The following TEX14 variants were observed in gnomAD, a reference collection of about 807,000 sequenced individuals.
TEX14 encodes the protein testis expressed 14, intercellular bridge forming factor, also known as inactive serine/threonine-protein kinase TEX14.
In TEX14, 168 loss-of-function variants were observed where a neutral mutation model predicts 178.6. The ratio of observed to expected loss-of-function variants is 0.94; its 90% CI spans 0.83 to 1.07. TEX14 has a LOEUF of 1.07. Among genes scored for constraint, TEX14 ranks in the 50% least tolerant of loss-of-function variants. The pLI, the probability that TEX14 is intolerant of heterozygous loss-of-function variation, is 0.00. For missense variants in TEX14, 1,730 were observed against 1,753.6 expected (o/e 0.99, Z 0.24); for synonymous variants, 626 against 634.1 (o/e 0.99, Z 0.19).
intron 5 of TEX14, among the ~76,000 whole-genome samples, chr17:58,619,633 C>T (rs1016068467): frequency 1.1e-4 from 17 of 151,872 alleles, no homozygotes; most frequent in Admixed American, 6.6e-4. Context: ...GGTGAAACCC[C>T]ATCTCTACTA....
At position 58,559,572 on chromosome 17, in the gene TEX14, C is replaced by T. The variant is rs370136626; in HGVS notation, c.4158-10G>A. On this transcript the variant is annotated splice_polypyrimidine_tract_variant and intron_variant, in intron 29 of 31. Coordinates refer to ENST00000349033, the MANE Select transcript of TEX14 (RefSeq NM_031272.5). ...TTTGATATTTGTCTCCCTGTAACAA[C>T]AATTATTTGGGGAATCAAAACGTAT... 29 of 1,371,726 alleles carry T rather than the reference C, an allele frequency of 2.1e-5. No homozygotes were observed. The Admixed American group carries it at 3.6e-4, about 17-fold the overall frequency. 85.0% of individuals were successfully genotyped at this position (1,371,726 alleles called of 1,614,324 possible).
At chr17:58,614,373 C>T (rs2045821395) in intron 8 of TEX14, among the ~76,000 whole-genome samples, 1 of 152,170 alleles carries the variant, frequency 6.6e-6, no homozygotes, top group Non-Finnish European at 1.5e-5. Flanking sequence ...GCCAGTAGTC[C>T]CAGCTACTCA....
chr17:58,664,679 T>C (rs1175201174), intron 1 of TEX14, among the ~76,000 whole-genome samples: 1 of 152,162 alleles, frequency 6.6e-6, no homozygotes, highest in Non-Finnish European at 1.5e-5. Flanking sequence ...GGCCCATACT[T>C]TTGCCTTTGT....
chr17:58,606,819 G>A (rs2045618238), intron 10 of TEX14, among the ~76,000 whole-genome samples: 1 of 151,738 alleles, frequency 6.6e-6, no homozygotes, highest in Non-Finnish European at 1.5e-5. Flanking sequence ...CTTGAGGTCA[G>A]GAATTCAAGA....
intron 27 of TEX14, 61 bp downstream of exon 27, chr17:58,565,686 C>T: frequency 1.6e-6 from 2 of 1,257,676 alleles, no homozygotes; most frequent in Non-Finnish European, 2.3e-6. Context: ...ATATGTACCA[C>T]TGTGTTGCCA....
chr17:58,599,060 T>C lies in TEX14; in HGVS notation c.2285A>G (p.Gln762Arg), dbSNP rs777996423. 3.8e-5 allele frequency: 61 copies of C among 1,614,094 alleles called. No homozygotes were observed. The highest frequency in any genetic ancestry group is 8.9e-5 in the East Asian group (4 of 44,894). The change falls in exon 14 of 32, where the codon CAG becomes CGG. Residue 762 changes from glutamine (Q) to arginine (R), a missense_variant. By Grantham distance (43) the Gln-to-Arg change is conservative (BLOSUM62 1). Transcript: ENST00000349033. ...AGACATGCGCTCTTCCTGTTCCTTC[T>C]GTTTCATCTCGACTTCATCTAATAT... Reference protein sequence around the residue: ...EQILDEVEMKQKEQEERMSLW... With the variant: ...EQILDEVEMKRKEQEERMSLW...
chr17:58,587,706 TG>T, intron 16 of TEX14, 40 bp from the exon 17 acceptor site: 1 of 1,442,594 alleles, frequency 6.9e-7, no homozygotes, highest in Non-Finnish European at 9.7e-7. Context: ...GGGAGCGGGG[TG>T]GACACAAACA....
At chr17:58,631,982 A>T (rs906518981) in intron 2 of TEX14, 2 of 152,230 alleles carry the variant, frequency 1.3e-5, no homozygotes, top group African/African-American at 4.8e-5. Flanking sequence ...AGTTCGAAAA[A>T]GCATTTAAAA....
At chr17:58,598,282 C>G (rs1023229993) in intron 14 of TEX14, among the ~76,000 whole-genome samples, 6 of 150,696 alleles carry the variant, frequency 4.0e-5, no homozygotes, top group African/African-American at 1.5e-4. Context: ...CCACTGCACT[C>G]CAGCCTGGGC....
Position 58,559,871 on chromosome 17 carries a change from C to T in TEX14, c.4158-309G>A, listed in dbSNP as rs997691266. 2.0e-5 allele frequency among the ~76,000 whole-genome samples: 3 copies of T among 152,180 alleles called. No individual in the cohort carries two copies. In the South Asian group the frequency reaches 6.2e-4, roughly 32 times the overall value. ...GCTAGACTCTGACCTTAGACTCAGT[C>T]TGCCTTAGACTCTGCTTTCAACCAC... On this transcript the variant is annotated intron_variant, in intron 29 of 31. Coordinates refer to ENST00000349033, the MANE Select transcript of TEX14 (RefSeq NM_031272.5).
At chr17:58,576,381 G>A (rs1383395620) in intron 21 of TEX14, among the ~76,000 whole-genome samples, 1 of 152,210 alleles carries the variant, frequency 6.6e-6, no homozygotes, top group Non-Finnish European at 1.5e-5. Flanking sequence ...CTACTTGGGA[G>A]GCTGGGGCAG....
At chr17:58,626,028 G>A (rs373965222) in intron 3 of TEX14, among the ~76,000 whole-genome samples, 4 of 151,802 alleles carry the variant, frequency 2.6e-5, no homozygotes, top group African/African-American at 7.3e-5. Flanking sequence ...GATTACAGGC[G>A]TGAGCCACTG....
At chr17:58,614,193 T>G (rs1567736290) in intron 8 of TEX14, among the ~76,000 whole-genome samples, 1 of 151,962 alleles carries the variant, frequency 6.6e-6, no homozygotes, top group Non-Finnish European at 1.5e-5. Flanking sequence ...GAGACCAACA[T>G]CAAGGAAATG....
At chr17:58,629,913 T>TGC (rs2046244798) in intron 3 of TEX14, among the ~76,000 whole-genome samples, 2 of 146,768 alleles carry the variant, frequency 1.4e-5, no homozygotes, top group African/African-American at 2.5e-5. Flanking sequence ...TGTTTTTTTT[T>TGC]TTTCCTTTTT....
chr17:58,661,684 T>A (rs1197516062), intron 1 of TEX14: 2 of 605,018 alleles, frequency 3.3e-6, no homozygotes, highest in Admixed American at 3.0e-5. Flanking sequence ...ACAACCAGTC[T>A]GAATCGGGCG....
intron 23 of TEX14, 26 bp downstream of exon 23, chr17:58,573,155 C>A (rs969147706): frequency 6.2e-7 from 1 of 1,612,362 alleles, no homozygotes; most frequent in African/African-American, 1.3e-5. Flanking sequence ...TCCTTCTCCC[C>A]AAACACTTCT....
At chr17:58,580,148 A>C (rs1192335696) in intron 19 of TEX14, among the ~76,000 whole-genome samples, 1 of 152,196 alleles carries the variant, frequency 6.6e-6, no homozygotes, top group Non-Finnish European at 1.5e-5. Flanking sequence ...ATGGGATCAC[A>C]AGGGGTCTTT....
At chr17:58,659,280 G>T (rs891315828) in intron 1 of TEX14, 4 of 927,528 alleles carry the variant, frequency 4.3e-6, no homozygotes, top group African/African-American at 3.6e-5. Flanking sequence ...AGGACCAACA[G>T]CGTCTCTCCC....
chr17:58,633,694 C>T (rs558164690), intron 2 of TEX14, among the ~76,000 whole-genome samples: 5 of 151,986 alleles, frequency 3.3e-5, no homozygotes, highest in Non-Finnish European at 7.4e-5. Context: ...GGGGGCCGGG[C>T]GCAGTGGCTC....
Sources: allele counts gnomAD v4.1 joint callset (sites outside exome capture counted in the v4.1 genomes callset), GRCh38; gene constraint gnomAD v4.1.1; transcripts MANE v1.5; gene names NCBI Gene and HGNC (gene_info 2026-07-23, HGNC 2026-07-21).